The following CTNNA3 variants were observed in gnomAD, a reference collection of about 807,000 sequenced individuals.
CTNNA3 encodes catenin alpha 3.
CTNNA3 carries 76 observed loss-of-function variants against 95.7 expected under a neutral mutation model. That is an observed-to-expected ratio of 0.79 (90% CI 0.66 to 0.96). CTNNA3 has a LOEUF of 0.96. Ranked by LOEUF, CTNNA3 falls within the 40% of genes least tolerant of loss-of-function variation. The probability of loss-of-function intolerance (pLI) is 0.00; values close to 1 mark genes in which losing one functional copy is unlikely to be tolerated. For synonymous variants in CTNNA3, 431 were observed against 374.4 expected (o/e 1.15, Z -1.74); for missense variants, 1,191 against 1,089.8 (o/e 1.09, Z -1.31).
intron 13 of CTNNA3, among the ~76,000 whole-genome samples, chr10:66,137,352 G>A (rs2083406346): frequency 6.6e-6 from 1 of 151,994 alleles, no homozygotes; most frequent in Non-Finnish European, 1.5e-5. Context: ...CTCTAGCTTG[G>A]AATCTTCAAA....
rs201953193 is a variant in CTNNA3 at position 67,246,187 on chromosome 10, C to T, written c.580-26317G>A. ...GATTTTGCCTTACTCAAGAACTGTA[C>T]GCAGAGCATGAATCATCTATATGCA... is the stretch of plus-strand genomic sequence containing the variant. On this transcript the variant is annotated intron_variant, in intron 5 of 17. Coordinates refer to ENST00000433211, the MANE Select transcript of CTNNA3 (RefSeq NM_013266.4). Among the ~76,000 whole-genome samples the T allele has an allele frequency of 2.4e-4, 36 of 152,290 alleles. No individual in the cohort carries two copies. In the East Asian group the frequency reaches 4.6e-3, roughly 20 times the overall value.
intron 2 of CTNNA3, among the ~76,000 whole-genome samples, chr10:67,619,842 T>G (rs1184575280): frequency 1.3e-5 from 2 of 152,126 alleles, no homozygotes; most frequent in African/African-American, 4.8e-5. Context: ...TGCACAAAAC[T>G]TCAGGGGTAG....
At chr10:65,944,560 A>G (rs1412943443) in intron 17 of CTNNA3, among the ~76,000 whole-genome samples, 1 of 152,218 alleles carries the variant, frequency 6.6e-6, no homozygotes, top group African/African-American at 2.4e-5. Flanking sequence ...AAAGTGGAGG[A>G]GTTTTGTAGC....
intron 9 of CTNNA3, among the ~76,000 whole-genome samples, chr10:66,649,790 C>T (rs1845832063): frequency 6.6e-6 from 1 of 152,214 alleles, no homozygotes; most frequent in African/African-American, 2.4e-5. Context: ...AGCCCTGGCC[C>T]TTGGTCAGAA....
chr10:67,713,908 A>T (rs1011424073), intron 1 of CTNNA3, among the ~76,000 whole-genome samples: 1 of 152,124 alleles, frequency 6.6e-6, no homozygotes, highest in Non-Finnish European at 1.5e-5. Context: ...CCTATGTAAC[A>T]AACCCTCATG....
chr10:67,701,164 G>C (rs1841036174), upstream of CTNNA3, among the ~76,000 whole-genome samples: 1 of 152,214 alleles, frequency 6.6e-6, no homozygotes. Context: ...GTACCTGAAA[G>C]TGATGGGCAG....
intron 1 of CTNNA3, among the ~76,000 whole-genome samples, chr10:67,740,085 T>C (rs2133639876): frequency 6.6e-6 from 1 of 152,296 alleles, no homozygotes; most frequent in Non-Finnish European, 1.5e-5. Flanking sequence ...TAAATGGTGC[T>C]GAGAAAACTG....
chr10:67,335,062 GA>G (rs942361506), intron 5 of CTNNA3, among the ~76,000 whole-genome samples: 2 of 151,448 alleles, frequency 1.3e-5, no homozygotes, highest in African/African-American at 2.4e-5. Context: ...ACATTGATGA[GA>G]AAAAAAAATC....
intron 6 of CTNNA3, among the ~76,000 whole-genome samples, chr10:67,190,203 T>C (rs78122012): frequency 4.8e-4 from 73 of 152,266 alleles, no homozygotes; most frequent in South Asian, 8.3e-4. Context: ...GCTCTACATG[T>C]ATTTGAGTGA....
chr10:66,575,299 C>T (rs1005074739), intron 10 of CTNNA3, among the ~76,000 whole-genome samples: 1 of 151,992 alleles, frequency 6.6e-6, no homozygotes, highest in Non-Finnish European at 1.5e-5. Context: ...ACAACTTGTG[C>T]CAAAGTCACA....
At chr10:67,583,895 G>C (rs1280879435) in intron 3 of CTNNA3, among the ~76,000 whole-genome samples, 1 of 152,120 alleles carries the variant, frequency 6.6e-6, no homozygotes, top group Non-Finnish European at 1.5e-5. Context: ...CTCGTGCCAT[G>C]GTTTTCAGCT....
At chr10:66,729,540 A>T (rs1848885718) in intron 9 of CTNNA3, among the ~76,000 whole-genome samples, 1 of 152,250 alleles carries the variant, frequency 6.6e-6, no homozygotes, top group African/African-American at 2.4e-5. Context: ...GTAACTCAGG[A>T]ATGGAAAACC....
chr10:66,421,543 C>G (rs1284088195), intron 11 of CTNNA3, among the ~76,000 whole-genome samples: 1 of 151,720 alleles, frequency 6.6e-6, no homozygotes, highest in Non-Finnish European at 1.5e-5. Flanking sequence ...TATTATGTAT[C>G]CATAAAAAGT....
At chr10:67,192,161 G>A (rs80176637) in intron 6 of CTNNA3, among the ~76,000 whole-genome samples, 1 of 151,878 alleles carries the variant, frequency 6.6e-6, no homozygotes, top group Non-Finnish European at 1.5e-5. Context: ...AAAGATTCTT[G>A]ACATTGGTCT....
chr10:67,688,180 T>C (rs1480125165), intron 1 of CTNNA3, among the ~76,000 whole-genome samples: 1 of 152,186 alleles, frequency 6.6e-6, no homozygotes, highest in East Asian at 1.9e-4. Context: ...AGATCTGCCT[T>C]GATCTGCTTT....
At chr10:67,579,322 C>A (rs577311634) in intron 3 of CTNNA3, among the ~76,000 whole-genome samples, 11 of 150,880 alleles carry the variant, frequency 7.3e-5, no homozygotes, top group African/African-American at 2.7e-4. Context: ...TCTGTCCTTG[C>A]GATAGTTTGC....
chr10:67,683,192 A>G (rs1382894856), intron 1 of CTNNA3, among the ~76,000 whole-genome samples: 1 of 152,222 alleles, frequency 6.6e-6, no homozygotes, highest in Non-Finnish European at 1.5e-5. Flanking sequence ...AATCCTGCAA[A>G]TTCCCATGAA....
intron 11 of CTNNA3, among the ~76,000 whole-genome samples, chr10:66,495,734 T>C (rs1417061865): frequency 2.6e-5 from 4 of 152,132 alleles, no homozygotes; most frequent in Non-Finnish European, 5.9e-5. Flanking sequence ...TGGCTCACTG[T>C]AGCCTCTGTC....
At chr10:66,444,934 A>G (rs1007733162) in intron 11 of CTNNA3, among the ~76,000 whole-genome samples, 1 of 152,076 alleles carries the variant, frequency 6.6e-6, no homozygotes, top group Non-Finnish European at 1.5e-5. Context: ...AACCCATCTC[A>G]CGTGCAGAGA....
Sources: allele counts gnomAD v4.1 joint callset (sites outside exome capture counted in the v4.1 genomes callset), GRCh38; gene constraint gnomAD v4.1.1; transcripts MANE v1.5; gene names NCBI Gene and HGNC (gene_info 2026-07-23, HGNC 2026-07-21).